Variants in ENOSF1 observed in about 807,000 individuals in gnomAD.
ENOSF1 encodes enolase superfamily member 1, also known as mitochondrial enolase superfamily member 1.
Under a neutral mutation model 68.2 loss-of-function variants are expected in ENOSF1, and 73 were observed. The observed-to-expected ratio is 1.07, with a 90% CI of 0.89 to 1.30. ENOSF1 has a LOEUF of 1.30. ENOSF1 is among the 50% of genes most tolerant of loss of function. The pLI is 0.00. For missense variants in ENOSF1, 589 were observed against 554.5 expected (o/e 1.06, Z -0.62); for synonymous variants, 223 against 210.4 (o/e 1.06, Z -0.52).
At chr18:696,668 A>T (rs2077769104) in intron 3 of ENOSF1, among the ~76,000 whole-genome samples, 1 of 152,148 alleles carries the variant, frequency 6.6e-6, no homozygotes, top group Non-Finnish European at 1.5e-5. Flanking sequence ...TCAGGACCTC[A>T]TCTCCTTAGT....
intron 2 of ENOSF1, among the ~76,000 whole-genome samples, chr18:705,403 A>G (rs891349006): frequency 6.6e-6 from 1 of 152,172 alleles, no homozygotes; most frequent in Non-Finnish European, 1.5e-5. Context: ...TTCTGAAGAG[A>G]AAGTGCTCTG....
chr18:688,720 G>GT, intron 8 of ENOSF1, 112 bp from the exon 9 acceptor site: 1 of 914,720 alleles, frequency 1.1e-6, no homozygotes, highest in Non-Finnish European at 1.8e-6. Flanking sequence ...ATAGACCAGA[G>GT]TAACACCCAT....
At chr18:698,050 T>C (rs1444072623) in intron 2 of ENOSF1, among the ~76,000 whole-genome samples, 1 of 152,210 alleles carries the variant, frequency 6.6e-6, no homozygotes, top group Non-Finnish European at 1.5e-5. Flanking sequence ...CGCCTTGGCC[T>C]CCCAAAGTTC....
At chr18:688,055 T>A (rs2076788629) in intron 9 of ENOSF1, 1 of 153,724 alleles carries the variant, frequency 6.5e-6, no homozygotes. Flanking sequence ...TAATCCCAGC[T>A]GCTAGGGAGG....
intron 10 of ENOSF1, among the ~76,000 whole-genome samples, chr18:685,568 A>G (rs1290397153): frequency 6.6e-6 from 1 of 152,130 alleles, no homozygotes; most frequent in African/African-American, 2.4e-5. Context: ...AAGTTCCAAC[A>G]TTTCTTCAGT....
chr18:678,760 G>A, intron 11 of ENOSF1, 23 bp from the exon 12 acceptor site: 2 of 1,613,840 alleles, frequency 1.2e-6, no homozygotes, highest in Non-Finnish European at 1.7e-6. Context: ...AGGCAGCCTG[G>A]TGTTATTTTC....
rs2074984755 is a variant in ENOSF1, at chr18:670,384, A to G, written c.*3921T>C. The G allele has an allele frequency of 1.2e-5, 3 of 259,582 alleles. No homozygotes were observed. In the East Asian group the frequency reaches 2.5e-4, roughly 22 times the overall value. The allele number at this position is 259,582 out of a possible 1,614,324, so 16.1% of individuals were successfully genotyped here. ...ACCAGAAGCACCAGTTTCCTGTGGC[A>G]AACAGAATTATTCCTGCTGTATTTG... On this transcript the variant is annotated 3_prime_UTR_variant, in exon 16 of 16. Transcript: ENST00000647584.
chr18:694,098 C>A (rs2077478781), intron 4 of ENOSF1, 150 bp downstream of exon 4: 9 of 1,047,006 alleles, frequency 8.6e-6, no homozygotes, highest in Middle Eastern at 2.1e-4. Context: ...CTACCTACTG[C>A]CAAAACCTCT....
Position 683,393 on chromosome 18 carries a change from ACT to A in ENOSF1, c.742-15_742-14del. The A allele has an allele frequency of 4.3e-6, 7 of 1,613,544 alleles. No homozygotes were observed. The highest frequency in any genetic ancestry group is 5.9e-6 in the Non-Finnish European group (7 of 1,179,882). On this transcript the variant is annotated splice_polypyrimidine_tract_variant and intron_variant, in intron 10 of 15. Coordinates refer to ENST00000647584, the MANE Select transcript of ENOSF1 (RefSeq NM_017512.7). ...TGGCATCCATCATCTGCAAAAAGAGACTCTTCACAGGGAGGTCAGCCCTGAGC... is the reference window on the plus strand; with the variant it reads ...TGGCATCCATCATCTGCAAAAAGAGACTTCACAGGGAGGTCAGCCCTGAGC...
Position 697,318 on chromosome 18 carries a change from G to GA in ENOSF1, c.230dup (p.Asn78GlnfsTer10). On this transcript the variant is annotated frameshift_variant, in exon 3 of 16. Coordinates refer to ENST00000647584, the MANE Select transcript of ENOSF1 (RefSeq NM_017512.7). LOFTEE classifies it high-confidence loss of function. ...CAACAATGTCCTTGAGGTCCTTGTT[G>GA]AGCACATGGTGGGCGAGGGCATTCA... 6.2e-7 allele frequency: 1 copy of GA among 1,613,960 alleles called. No homozygotes were observed. Among genetic ancestry groups the GA allele is most frequent in the Non-Finnish European group, 8.5e-7 (1 of 1,179,918 alleles).
the ENOSF1 span, among the ~76,000 whole-genome samples, chr18:664,854 C>G: frequency 1.6e-3 from 217 of 139,246 alleles, no homozygotes; most frequent in Non-Finnish European, 2.7e-3. Context: ...AGCCTTGCAT[C>G]CCAGGGATGA....
chr18:675,253 G>T, intron 15 of ENOSF1, 68 bp downstream of exon 15: 1 of 1,219,516 alleles, frequency 8.2e-7, no homozygotes, highest in Non-Finnish European at 1.2e-6. Context: ...CCACAGTCTA[G>T]TTCACGAGAC....
intron 9 of ENOSF1, chr18:688,299 G>A (rs763680371): frequency 2.3e-6 from 1 of 432,960 alleles, no homozygotes; most frequent in Non-Finnish European, 4.2e-6. Flanking sequence ...GTTACTGACA[G>A]TAAAGACTGG....
chr18:692,882 G>C (rs1419266498), intron 5 of ENOSF1: 1 of 1,104,788 alleles, frequency 9.1e-7, no homozygotes, highest in Admixed American at 4.3e-5. Flanking sequence ...CTTTCCTCCG[G>C]AGGAGGAGCA....
rs1385976686 is a variant in ENOSF1 at position 675,365 on chromosome 18, T to G, written c.1186A>C (p.Lys396Gln). ...GCCCGCTGGATCATCACGGGATACT[T>G]GAAATGCTCATGCAGGTGGTCAACA... ...EYVDHLHEHF[K>Q]YPVMIQRASY... Residue 396 changes from lysine to glutamine, a missense_variant, in exon 15 of 16, where the codon AAG (lysine) becomes CAG (glutamine). Lys to Gln is a moderately conservative substitution (Grantham distance 53). Coordinates refer to ENST00000647584, the MANE Select transcript of ENOSF1 (RefSeq NM_017512.7). 6.2e-7 allele frequency: 1 copy of G among 1,613,008 alleles called. No homozygotes were observed. Among genetic ancestry groups the G allele is most frequent in the African/African-American group, 1.3e-5 (1 of 74,900 alleles).
chr18:688,661 C>T, intron 8 of ENOSF1, 53 bp from the exon 9 acceptor site: 1 of 1,509,032 alleles, frequency 6.6e-7, no homozygotes, highest in Non-Finnish European at 9.2e-7. Context: ...TTGGTCTGAC[C>T]AGGAAGTCAG....
intron 1 of ENOSF1, among the ~76,000 whole-genome samples, chr18:709,229 A>G: frequency 6.6e-6 from 1 of 152,158 alleles, no homozygotes; most frequent in Non-Finnish European, 1.5e-5. Flanking sequence ...CGAAGTCAGA[A>G]TGCGGAGAGG....
the ENOSF1 span, among the ~76,000 whole-genome samples, chr18:664,582 C>T: frequency 7.4e-6 from 1 of 134,574 alleles, no homozygotes; most frequent in Non-Finnish European, 1.6e-5. Context: ...GAGAGGGCAT[C>T]CCTGTCTTGT....
In ENOSF1 at chr18:670,974, AT is replaced by A; in HGVS notation, c.*3330del. The A allele has an allele frequency of 1.5e-6, 2 of 1,328,420 alleles. No homozygotes were observed. Among genetic ancestry groups the A allele is most frequent in the Non-Finnish European group, 2.1e-6 (2 of 973,460 alleles). The allele number at this position is 1,328,420 out of a possible 1,614,324, so 82.3% of individuals were successfully genotyped here. A position where few individuals can be genotyped will look rare whatever the true frequency, so the allele number is the denominator to read the frequency against. ...AGTTTAGTCTCTGATTAGCTTTTAA[AT>A]TTGATATGTGTAAGTAAGAAATGAA... On this transcript the variant is annotated 3_prime_UTR_variant, in exon 16 of 16. Coordinates refer to ENST00000647584, the MANE Select transcript of ENOSF1 (RefSeq NM_017512.7).
Sources: allele counts gnomAD v4.1 joint callset (sites outside exome capture counted in the v4.1 genomes callset), GRCh38; gene constraint gnomAD v4.1.1; transcripts MANE v1.5; gene names NCBI Gene and HGNC (gene_info 2026-07-23, HGNC 2026-07-21).